PHEX: variants seen among roughly 807,000 people sequenced by gnomAD.
The protein encoded by PHEX is phosphate-regulating neutral endopeptidase PHEX.
In PHEX, 16 loss-of-function variants were observed where a neutral mutation model predicts 68.0. The observed-to-expected ratio is 0.24, with a 90% confidence interval of 0.16 to 0.36. The LOEUF is 0.36. PHEX is among the 10% of genes least tolerant of loss of function. The pLI is 1.00. For synonymous variants in PHEX, 208 were observed against 205.1 expected, an observed-to-expected ratio of 1.01 and a Z score of -0.12; for missense variants, 480 against 575.5, an observed-to-expected ratio of 0.83 and a Z score of 1.70.
At chrX:22,232,757 CA>C (rs747010909) in intron 20 of PHEX, among the ~76,000 whole-genome samples, 18 of 109,277 alleles carry the variant, frequency 1.6e-4, no homozygotes, top group Admixed American at 2.9e-4. Context: ...TCCAATTTGC[CA>C]GTCTGTGTCT....
At chrX:22,221,983 A>G (rs1935284415) in intron 18 of PHEX, among the ~76,000 whole-genome samples, 1 of 111,940 alleles carries the variant, frequency 8.9e-6, no homozygotes, top group Non-Finnish European at 1.9e-5. Flanking sequence ...GGCTGGAAAA[A>G]TACCTAAATC....
chrX:22,214,365 A>T (rs1330893632), intron 16 of PHEX, among the ~76,000 whole-genome samples: 3 of 112,087 alleles, frequency 2.7e-5, no homozygotes, highest in African/African-American at 9.7e-5. Context: ...TTTAAGTTCA[A>T]CTGATTAGCA....
chrX:22,093,108 C>A (rs1353268946), intron 6 of PHEX, among the ~76,000 whole-genome samples: 1 of 111,888 alleles, frequency 8.9e-6, no homozygotes, highest in East Asian at 2.8e-4. Context: ...TTAAAGGCCT[C>A]CTGTATGCTA....
chrX:22,218,995 C>A, intron 16 of PHEX, 41 bp from the exon 17 acceptor site: 1 of 919,171 alleles, frequency 1.1e-6, no homozygotes, highest in Non-Finnish European at 1.6e-6. Flanking sequence ...CTCTGAGATT[C>A]ATGCTTGTAA....
chrX:22,047,053 C>T lies in PHEX; in HGVS notation c.191C>T (p.Ala64Val). 1 of 1,205,697 alleles carries T rather than the reference C, an allele frequency of 8.3e-7. No homozygotes were observed. The highest frequency in any genetic ancestry group is 1.1e-6 in the Non-Finnish European group (1 of 889,922). ...CLKPECIEAA[A>V]AILSKVNLSV... is the part of the protein sequence containing the mutation. ...CTATGATTTTCTTTCTAAATAGCTG[C>T]TGCCATCTTAAGTAAAGTAAATCTG... Residue 64 changes from alanine (A) to valine (V), a missense_variant, in exon 3 of 22, where the codon GCT becomes GTT. Ala to Val is a moderately conservative substitution (Grantham distance 64). Coordinates refer to ENST00000379374, the MANE Select transcript of PHEX (RefSeq NM_000444.6).
chrX:22,065,976 A>T (rs1009097022), intron 3 of PHEX, among the ~76,000 whole-genome samples: 3 of 111,936 alleles, frequency 2.7e-5, no homozygotes, highest in African/African-American at 9.7e-5. Context: ...AAAGAGTTGC[A>T]AGCGCAGAGA....
At chrX:22,185,013 C>A (rs1933985083) in intron 14 of PHEX, among the ~76,000 whole-genome samples, 1 of 111,706 alleles carries the variant, frequency 9.0e-6, no homozygotes, top group African/African-American at 3.3e-5. Flanking sequence ...AAAACTTTAG[C>A]CTGATGTATA....
intron 14 of PHEX, among the ~76,000 whole-genome samples, chrX:22,180,035 C>T (rs1933837150): frequency 9.3e-6 from 1 of 107,913 alleles, no homozygotes; most frequent in African/African-American, 3.4e-5. Context: ...AAGTAACTGT[C>T]CTAACTTATA....
At chrX:22,219,712 G>A (rs186398439) in intron 17 of PHEX, among the ~76,000 whole-genome samples, 35 of 111,667 alleles carry the variant, frequency 3.1e-4, no homozygotes, top group Non-Finnish European at 5.1e-4. Context: ...TCGGCCTCCC[G>A]TGTTCAAGTG....
chrX:22,076,861 G>A (rs1929174967), intron 4 of PHEX, among the ~76,000 whole-genome samples: 2 of 111,898 alleles, frequency 1.8e-5, no homozygotes, highest in South Asian at 7.5e-4. Context: ...TCCCAGGCAT[G>A]CCAGGTTCCT....
At chrX:22,102,823 C>A (rs1043980590) in intron 9 of PHEX, among the ~76,000 whole-genome samples, 4 of 112,090 alleles carry the variant, frequency 3.6e-5, no homozygotes, top group African/African-American at 1.3e-4. Context: ...AGGATCCCCC[C>A]ACCTCCTACC....
intron 9 of PHEX, among the ~76,000 whole-genome samples, chrX:22,108,712 C>T (rs760843206): frequency 1.8e-5 from 2 of 110,958 alleles, no homozygotes; most frequent in Non-Finnish European, 3.8e-5. Flanking sequence ...GAGGCTGAGG[C>T]GGGAGGATCA....
chrX:22,083,357 G>A (rs968229773), intron 5 of PHEX, among the ~76,000 whole-genome samples: 1 of 111,768 alleles, frequency 8.9e-6, no homozygotes, highest in Non-Finnish European at 1.9e-5. Context: ...GGGGTCTTTC[G>A]TGGTTCCATA....
chrX:22,056,627 C>T (rs1031045441), intron 3 of PHEX, among the ~76,000 whole-genome samples: 19 of 109,649 alleles, frequency 1.7e-4, no homozygotes, highest in Non-Finnish European at 9.5e-5. Flanking sequence ...ATGGTGAAAC[C>T]CTGTCTCTAC....
rs765101791 is a variant in PHEX, at chrX:22,168,368, T to C, written c.1461T>C (p.His487=). 5.9e-5 allele frequency: 70 copies of C among 1,184,328 alleles called. No homozygotes were observed. Among genetic ancestry groups the C allele is most frequent in the Non-Finnish European group, 7.1e-5 (62 of 871,757 alleles). The part of the protein sequence containing the change: ...GYPEFIMNDT[H]VNEDLKAIKF... ...CAGAGTTTATAATGAATGATACTCA[T>C]GTTAATGAAGACCTCAAAGCTGTAA... The change falls in exon 13 of 22, where the codon CAT becomes CAC. Residue 487 remains histidine, a synonymous_variant. Coordinates refer to ENST00000379374, the MANE Select transcript of PHEX (RefSeq NM_000444.6).
intron 3 of PHEX, among the ~76,000 whole-genome samples, chrX:22,049,557 T>C (rs991620257): frequency 9.0e-6 from 1 of 111,716 alleles, no homozygotes; most frequent in Admixed American, 9.6e-5. Context: ...TTTTGATGCA[T>C]ATAGCCAAAT....
Position 22,078,036 on chromosome X carries a change from C to A in PHEX, c.663+334C>A, listed in dbSNP as rs763709230. 2.7e-5 allele frequency among the ~76,000 whole-genome samples: 3 copies of A among 111,963 alleles called. No homozygotes were observed. In the East Asian group the frequency reaches 8.4e-4, roughly 31 times the overall value. ...GTTGTTAGCAGAGATTTTCTGAGCC[C>A]TGCTCTTGTCCTTGCCTCCTCACTC... On this transcript the variant is annotated intron_variant, in intron 5 of 21. Coordinates refer to ENST00000379374, the MANE Select transcript of PHEX (RefSeq NM_000444.6).
chrX:22,090,644 A>T (rs1245540562), intron 6 of PHEX, 147 bp downstream of exon 6: 2 of 498,896 alleles, frequency 4.0e-6, no homozygotes, highest in African/African-American at 4.7e-5. Flanking sequence ...ATTCAGGCAG[A>T]TAAATTCCAC....
chrX:22,108,712 C>A (rs760843206), intron 9 of PHEX, among the ~76,000 whole-genome samples: 1 of 111,002 alleles, frequency 9.0e-6, no homozygotes, highest in East Asian at 2.8e-4. Flanking sequence ...GAGGCTGAGG[C>A]GGGAGGATCA....
Sources: gnomAD v4.1 joint callset for allele counts (sites outside exome capture counted in the v4.1 genomes callset) on GRCh38, gnomAD v4.1.1 for gene constraint, MANE v1.5 for transcripts, NCBI Gene and HGNC (gene_info 2026-07-23, HGNC 2026-07-21) for gene names.